Variants in CHD4 observed in about 807,000 individuals in gnomAD.
The protein encoded by CHD4 is chromodomain helicase DNA binding protein 4.
A neutral mutation model predicts 235.5 loss-of-function variants in CHD4; 35 were observed. The ratio of observed to expected loss-of-function variants is 0.15; its 90% CI spans 0.11 to 0.20. The LOEUF (loss-of-function observed/expected upper bound fraction) is 0.20, where lower values mean the gene tolerates loss of function less well. CHD4 is among the 10% of genes least tolerant of loss of function. CHD4 has a pLI of 1.00. For synonymous variants in CHD4, 900 were observed against 850.2 expected, an observed-to-expected ratio of 1.06 and a Z score of -1.02; for missense variants, 1,329 against 2,432.3, an observed-to-expected ratio of 0.55 and a Z score of 9.54.
rs754096136 is a variant in CHD4, at chr12:6,598,361, G to A, written c.1547C>T (p.Pro516Leu). 11 of 1,613,840 alleles carry A rather than the reference G, an allele frequency of 6.8e-6. No individual in the cohort carries two copies. Among genetic ancestry groups the A allele is most frequent in the Middle Eastern group, 1.6e-4 (1 of 6,084 alleles). ...ATCTGGAGGCCGAGGCACTGGTGTG[G>A]GAGATGGTGGCTGACCCCACTTCCA... ...LIWKWGQPPS[P>L]TPVPRPPDAD... The change falls in exon 11 of 40, where the codon CCC becomes CTC. Residue 516 changes from proline to leucine, a missense_variant. Around this residue, in one of 26 missense-constraint regions of CHD4, gnomAD observed 45 missense variants for 47.5 expected, o/e 0.95. Transcript: ENST00000544040.
intron 10 of CHD4, among the ~76,000 whole-genome samples, chr12:6,598,983 A>T (rs899324415): frequency 6.6e-6 from 1 of 152,244 alleles, no homozygotes; most frequent in African/African-American, 2.4e-5. Context: ...CCATTTCTGG[A>T]CATCGTCCAG....
intron 15 of CHD4, 61 bp downstream of exon 15, chr12:6,594,398 A>G: frequency 5.4e-6 from 8 of 1,475,662 alleles, no homozygotes; most frequent in Non-Finnish European, 7.4e-6. Flanking sequence ...TACTCAGTGT[A>G]AGTTAAGGCT....
intron 37 of CHD4, 140 bp downstream of exon 37, chr12:6,577,645 T>A (rs1486409316): frequency 6.2e-6 from 7 of 1,121,112 alleles, no homozygotes; most frequent in Non-Finnish European, 6.4e-6. Flanking sequence ...CCCTAATGTG[T>A]AAGTTACTTG....
intron 10 of CHD4, among the ~76,000 whole-genome samples, chr12:6,599,287 A>G (rs1168397861): frequency 6.6e-6 from 1 of 151,660 alleles, no homozygotes; most frequent in African/African-American, 2.4e-5. Context: ...TTTTTTTTTA[A>G]TTAGCTGGAT....
chr12:6,581,968 A>G (rs1016022671), intron 30 of CHD4, among the ~76,000 whole-genome samples, 154 bp from the exon 31 acceptor site: 24 of 152,018 alleles, frequency 1.6e-4, no homozygotes, highest in African/African-American at 5.1e-4. Context: ...ACGTGCAGCT[A>G]ATTTTTGTAT....
chr12:6,575,989 G>A (rs1948063743), intron 37 of CHD4, among the ~76,000 whole-genome samples: 1 of 151,550 alleles, frequency 6.6e-6, no homozygotes, highest in Non-Finnish European at 1.5e-5. Flanking sequence ...TCATTCCAAT[G>A]CCATCTTCTC....
At chr12:6,581,921 G>A in intron 30 of CHD4, 107 bp from the exon 31 acceptor site, 5 of 1,359,234 alleles carry the variant, frequency 3.7e-6, no homozygotes, top group Non-Finnish European at 4.9e-6. Context: ...TCCTGCCTCA[G>A]CCTTCTGAGT....
At chr12:6,595,190 A>T (rs1948466191) in intron 14 of CHD4, 144 bp downstream of exon 14, 4 of 619,798 alleles carry the variant, frequency 6.5e-6, no homozygotes, top group Admixed American at 2.9e-5. Context: ...AGAGATGTGG[A>T]GAAGTGGGGA....
At chr12:6,603,748 A>C (rs916364670) in intron 2 of CHD4, among the ~76,000 whole-genome samples, 6 of 152,196 alleles carry the variant, frequency 3.9e-5, no homozygotes, top group African/African-American at 1.4e-4. Context: ...CACTCCCTCA[A>C]TCATAATTAT....
chr12:6,588,620 A>T (rs770722140), intron 22 of CHD4, among the ~76,000 whole-genome samples, 198 bp from the exon 23 acceptor site: 32 of 152,222 alleles, frequency 2.1e-4, no homozygotes, highest in Middle Eastern at 3.4e-3. Flanking sequence ...TCTACTAAAA[A>T]TACAAAAATT....
At position 6,593,393 on chromosome 12, in the gene CHD4, G is replaced by A. The variant is rs116695160; in HGVS notation, c.2514+23C>T. 3.3e-3 allele frequency: 5,367 copies of A among 1,611,572 alleles called. 206 individuals are homozygous for A. In the African/African-American group the frequency reaches 0.063, roughly 19 times the overall value. On this transcript the variant is annotated intron_variant, in intron 16 of 39. Transcript: ENST00000544040. This position sits in a 1 kb window ranked among gnomAD's most constrained non-coding sequence, Gnocchi z 4.9. ...CAGAAGCCACAACTCTTTCTCTAGGGTGGCTTCCCTCCCCTGAGATACCTT... is the reference window on the plus strand; with the variant it reads ...CAGAAGCCACAACTCTTTCTCTAGGATGGCTTCCCTCCCCTGAGATACCTT...
intron 38 of CHD4, 108 bp from the exon 39 acceptor site, chr12:6,571,140 GTATTGT>G: frequency 7.6e-7 from 1 of 1,312,946 alleles, no homozygotes; most frequent in African/African-American, 1.5e-5. Context: ...TAACTGTGAT[GTATTGT>G]CTTCTGTCAT....
In CHD4 at chr12:6,583,123, G is replaced by A. The variant is rs771353473; in HGVS notation, c.4061-10C>T. On this transcript the variant is annotated splice_polypyrimidine_tract_variant and intron_variant, in intron 26 of 39. Transcript: ENST00000544040. ...TGGTCGTCCTGCCAATCTGGAGGGA[G>A]AGAGGGCAGATGAGCGGGGCCCACT... The A allele has an allele frequency of 2.6e-6, 4 of 1,556,320 alleles. No individual in the cohort carries two copies. The highest frequency in any genetic ancestry group is 5.0e-5 in the East Asian group (2 of 40,152).
intron 7 of CHD4, 127 bp from the exon 8 acceptor site, chr12:6,600,796 G>GTC: frequency 6.6e-7 from 1 of 1,506,112 alleles, no homozygotes; most frequent in African/African-American, 1.4e-5. Context: ...AGGGAGCCTA[G>GTC]TCTCATCTTG....
intron 22 of CHD4, 76 bp from the exon 23 acceptor site, chr12:6,588,498 C>G: frequency 6.5e-7 from 1 of 1,544,246 alleles, no homozygotes; most frequent in South Asian, 1.2e-5. Context: ...AAAAATTAAG[C>G]CGGGGGCAGT....
intron 33 of CHD4, 48 bp downstream of exon 33, chr12:6,580,996 A>G: frequency 2.5e-6 from 4 of 1,606,760 alleles, no homozygotes; most frequent in South Asian, 1.1e-5. Context: ...GCAGCACTAC[A>G]CTGTCTCAAA....
rs527854546 is a variant in CHD4, at chr12:6,590,707, G to A, written c.3340+759C>T. 2.9e-4 allele frequency among the ~76,000 whole-genome samples: 44 copies of A among 152,222 alleles called. No homozygotes were observed. The South Asian group carries it at 8.1e-3, about 28-fold the overall frequency. On this transcript the variant is annotated intron_variant, in intron 22 of 39. Coordinates refer to ENST00000544040, the MANE Select transcript of CHD4 (RefSeq NM_001273.5). Reference sequence around the variant, plus strand: ...ACAGTGGATCAAGCCTACAGCCCCAGCTAGTTGGGAGGCTGAAGCAGCAGG... The same window carrying A: ...ACAGTGGATCAAGCCTACAGCCCCAACTAGTTGGGAGGCTGAAGCAGCAGG...
intron 12 of CHD4, 107 bp from the exon 13 acceptor site, chr12:6,596,244 C>T: frequency 7.2e-7 from 1 of 1,383,378 alleles, no homozygotes; most frequent in Non-Finnish European, 9.9e-7. Flanking sequence ...TCTAGGTATG[C>T]CACAGATCAC....
rs1206333238 is a variant in CHD4, at chr12:6,581,634, G to C, written c.4681+15C>G. 2 of 1,614,018 alleles carry C rather than the reference G, an allele frequency of 1.2e-6. No homozygotes were observed. Among genetic ancestry groups the C allele is most frequent in the East Asian group, 4.5e-5 (2 of 44,878 alleles). The stretch of plus-strand genomic sequence containing the variant: ...AAAAGAGAGGGACAGAAAATGATAG[G>C]ACAGGCAGACTTACCAGCAGGTGGG... On this transcript the variant is annotated intron_variant, in intron 31 of 39. Coordinates refer to ENST00000544040, the MANE Select transcript of CHD4 (RefSeq NM_001273.5).
Sources: gnomAD v4.1 joint callset for allele counts (sites outside exome capture counted in the v4.1 genomes callset) on GRCh38, gnomAD v4.1.1 for gene constraint, gnomAD v4.1.1 regional missense constraint, Gnocchi (gnomAD v3.1) non-coding constraint, MANE v1.5 for transcripts, NCBI Gene and HGNC (gene_info 2026-07-23, HGNC 2026-07-21) for gene names.